Variants in NRP2 observed in about 807,000 individuals in gnomAD.
NRP2 encodes the protein neuropilin 2, also known as neuropilin-2.
NRP2 carries 52 observed loss-of-function variants against 110.4 expected under a neutral mutation model. The observed-to-expected ratio is 0.47, with a 90% CI of 0.38 to 0.59. NRP2 has a LOEUF of 0.59. Among genes scored for constraint, NRP2 ranks in the 20% least tolerant of loss-of-function variants. The probability of loss-of-function intolerance (pLI) is 0.00; values close to 1 mark genes in which losing one functional copy is unlikely to be tolerated. For missense variants in NRP2, 1,049 were observed against 1,203.0 expected (o/e 0.87, Z 1.89); for synonymous variants, 508 against 468.9 (o/e 1.08, Z -1.08).
At chr2:205,749,946 G>A (rs899173938) in intron 11 of NRP2, 105 bp downstream of exon 11, 1 of 896,112 alleles carries the variant, frequency 1.1e-6, no homozygotes. Context: ...AGAGATCCAG[G>A]GGATCTCAAA....
chr2:205,723,736 A>G (rs1220489261), intron 4 of NRP2, 49 bp from the exon 5 acceptor site: 1 of 1,607,456 alleles, frequency 6.2e-7, no homozygotes, highest in South Asian at 1.1e-5. Context: ...GTGAAAACCA[A>G]GTTTGACATT....
intron 2 of NRP2, among the ~76,000 whole-genome samples, chr2:205,714,702 C>T (rs1279160982): frequency 6.6e-6 from 1 of 152,206 alleles, no homozygotes; most frequent in Non-Finnish European, 1.5e-5. Context: ...GCCATTTTGA[C>T]TTCTCCAGAC....
In NRP2 at chr2:205,683,235, A is replaced by C; in HGVS notation, c.-56A>C. 7.8e-7 allele frequency: 1 copy of C among 1,289,648 alleles called. No homozygotes were observed. The highest frequency in any genetic ancestry group is 1.1e-6 in the Non-Finnish European group (1 of 889,404). 79.9% of individuals were successfully genotyped at this position (1,289,648 alleles called of 1,614,324 possible). On this transcript the variant is annotated 5_prime_UTR_variant, in exon 1 of 17. Transcript: ENST00000357785. The stretch of plus-strand genomic sequence containing the variant: ...GGAAAATAAAAGAGAGAAAAACACA[A>C]AGATTTAAACAAGAAACCTACGAAC...
intron 15 of NRP2, among the ~76,000 whole-genome samples, chr2:205,772,288 T>C (rs2105937665): frequency 6.6e-6 from 1 of 152,352 alleles, no homozygotes; most frequent in East Asian, 1.9e-4. Context: ...CCCAATTGCA[T>C]AGTGACCCTA....
chr2:205,688,883 C>T lies in NRP2; in HGVS notation c.73+5520C>T, dbSNP rs550473858. Reference sequence around the variant, plus strand: ...AAACAAAAAAAACAAAAAAACCCTTCGATGTTGTGATACATGGTTTCAGAC... The same window carrying T: ...AAACAAAAAAAACAAAAAAACCCTTTGATGTTGTGATACATGGTTTCAGAC... On this transcript the variant is annotated intron_variant, in intron 1 of 16. Coordinates refer to ENST00000357785, the MANE Select transcript of NRP2 (RefSeq NM_003872.3). Among the ~76,000 whole-genome samples the T allele has an allele frequency of 4.1e-4, 62 of 152,146 alleles. 1 individual carries two copies. Among genetic ancestry groups the T allele is most frequent in the African/African-American group, 1.3e-3 (53 of 41,520 alleles).
In NRP2 at chr2:205,683,333, T is replaced by G. The variant is rs2056056518; in HGVS notation, c.43T>G (p.Phe15Val). 1 of 1,614,040 alleles carries G rather than the reference T, an allele frequency of 6.2e-7. No homozygotes were observed. The highest frequency in any genetic ancestry group is 1.3e-5 in the African/African-American group (1 of 75,056). The change falls in exon 1 of 17, where the codon TTT becomes GTT. Residue 15 changes from phenylalanine (F) to valine (V), a missense_variant. By Grantham distance (50) the Phe-to-Val change is conservative (BLOSUM62 -1). Transcript: ENST00000357785. ...PLTWVFLALY[F>V]SRHQVRGQPD... ...CACCTGGGTTTTCTTAGCCCTCTAC[T>G]TTTCAAGACACCAAGTGAGAGGCCA...
intron 1 of NRP2, among the ~76,000 whole-genome samples, chr2:205,693,997 A>G (rs2056369407): frequency 6.6e-6 from 1 of 152,240 alleles, no homozygotes; most frequent in Non-Finnish European, 1.5e-5. Flanking sequence ...AGATTTTTAA[A>G]AGATCTTCTT....
rs751854561 is a variant in NRP2 at position 205,796,803 on chromosome 2, T to A, written c.*1745T>A. ...GATTGCCTGTGTGCTGGAAATATAT[T>A]TGAAACTCAACCAGTATGCCCAGCC... On this transcript the variant is annotated 3_prime_UTR_variant, in exon 17 of 17. Coordinates refer to ENST00000357785, the MANE Select transcript of NRP2 (RefSeq NM_003872.3). 6.5e-6 allele frequency: 1 copy of A among 152,686 alleles called. No individual in the cohort carries two copies. The highest frequency in any genetic ancestry group is 1.5e-5 in the Non-Finnish European group (1 of 68,052). 9.5% of individuals were successfully genotyped at this position (152,686 alleles called of 1,614,324 possible).
chr2:205,753,265 G>A (rs949985593), intron 12 of NRP2, among the ~76,000 whole-genome samples: 2 of 152,196 alleles, frequency 1.3e-5, no homozygotes, highest in South Asian at 4.1e-4. Context: ...GAGGCCCTAG[G>A]AGATGGGGCA....
At chr2:205,756,287 T>A (rs948825369) in intron 12 of NRP2, among the ~76,000 whole-genome samples, 1 of 152,178 alleles carries the variant, frequency 6.6e-6, no homozygotes, top group Non-Finnish European at 1.5e-5. Context: ...GAGGCCACTT[T>A]GGCTTTCCTC....
intron 10 of NRP2, among the ~76,000 whole-genome samples, chr2:205,746,626 T>C (rs849562): frequency 0.95 from 144,478 of 152,246 alleles, 68,888 homozygotes; most frequent in East Asian, 1. Context: ...AAAAGGAGTT[T>C]GTGGGAGCCA....
intron 12 of NRP2, among the ~76,000 whole-genome samples, chr2:205,759,020 G>A (rs1240765590): frequency 2.0e-5 from 3 of 152,172 alleles, no homozygotes; most frequent in Admixed American, 2.0e-4. Context: ...CATAAATCGG[G>A]AGATTCCAGA....
chr2:205,767,141 G>C, intron 15 of NRP2: 4 of 319,260 alleles, frequency 1.3e-5, no homozygotes, highest in South Asian at 3.5e-5. Context: ...TGGGAAGACT[G>C]AACCAAAAAA....
chr2:205,734,396 A>ACCCCCCCCCCCCCCCCCCCCC (rs2057302132), intron 7 of NRP2, among the ~76,000 whole-genome samples: 2 of 77,278 alleles, frequency 2.6e-5, no homozygotes, highest in African/African-American at 4.9e-5. Flanking sequence ...ATCATTTCCC[A>ACCCCCCCCCCCCCCCCCCCCC]CCGCCCCCCC....
rs1456213904 is a variant in NRP2, at chr2:205,763,990, C to T, written c.2307+54C>T. 39 of 1,604,396 alleles carry T rather than the reference C, an allele frequency of 2.4e-5. No individual in the cohort carries two copies. Among genetic ancestry groups the T allele is most frequent in the South Asian group, 1.1e-5 (1 of 90,462 alleles). ...ATCCGTATTTCAATATTTCAAGGGC[C>T]GAGCCCATTCATCGTTAGGGAACGT... On this transcript the variant is annotated intron_variant, in intron 13 of 16. Transcript: ENST00000357785. This position sits in a 1 kb window ranked among gnomAD's most constrained non-coding sequence, Gnocchi z 4.0.
intron 1 of NRP2, among the ~76,000 whole-genome samples, chr2:205,685,116 G>C (rs1241319127): frequency 6.6e-6 from 1 of 152,188 alleles, no homozygotes; most frequent in Non-Finnish European, 1.5e-5. Flanking sequence ...GTGTGTGCGC[G>C]ACACCCGCTT....
Position 205,792,271 on chromosome 2 carries a change from A to T in NRP2, c.2462A>T (p.Glu821Val). The T allele has an allele frequency of 6.2e-7, 1 of 1,603,678 alleles. No homozygotes were observed. Among genetic ancestry groups the T allele is most frequent in the Non-Finnish European group, 8.5e-7 (1 of 1,170,558 alleles). Residue 821 changes from glutamate to valine, a missense_variant, in exon 16 of 17, where the codon GAA becomes GTA. Physicochemically the swap from Glu to Val is moderately radical, Grantham distance 121. Transcript: ENST00000357785. Reference protein sequence around the residue: ...IPEIHEREGYEDEIDDEYEVD... With the variant: ...IPEIHEREGYVDEIDDEYEVD... The stretch of plus-strand genomic sequence containing the variant: ...GAAATACATGAGAGAGAAGGATATG[A>T]AGATGAAATTGATGGTGAGTACTGT...
intron 9 of NRP2, among the ~76,000 whole-genome samples, chr2:205,745,399 T>C (rs909273858): frequency 3.3e-5 from 5 of 152,152 alleles, no homozygotes; most frequent in African/African-American, 1.2e-4. Context: ...CCAAACTGCC[T>C]TCCCCCCTCT....
intron 2 of NRP2, 34 bp downstream of exon 2, chr2:205,697,755 C>T: frequency 6.3e-7 from 1 of 1,594,620 alleles, no homozygotes. Context: ...TGTATCCCAT[C>T]CATGAGATGC....
Sources: gnomAD v4.1 joint callset for allele counts (sites outside exome capture counted in the v4.1 genomes callset) on GRCh38, gnomAD v4.1.1 for gene constraint, Gnocchi (gnomAD v3.1) non-coding constraint, MANE v1.5 for transcripts, NCBI Gene and HGNC (gene_info 2026-07-23, HGNC 2026-07-21) for gene names.